The following EEF1AKMT4 variants were observed in gnomAD, a reference collection of about 807,000 sequenced individuals.
EEF1AKMT4 encodes the protein eukaryotic translation elongation factor 1 alpha lysine specific methyltransferase 4.
Under a neutral mutation model 23.0 loss-of-function variants are expected in EEF1AKMT4, and 17 were observed. The ratio of observed to expected loss-of-function variants is 0.74; its 90% CI spans 0.51 to 1.11. The LOEUF (loss-of-function observed/expected upper bound fraction) is 1.11. EEF1AKMT4 is among the 50% of genes least tolerant of loss of function. The pLI, the probability that EEF1AKMT4 is intolerant of heterozygous loss-of-function variation, is 0.00. For synonymous variants in EEF1AKMT4, 140 were observed against 141.4 expected, an observed-to-expected ratio of 0.99 and a Z score of 0.07; for missense variants, 318 against 333.4, an observed-to-expected ratio of 0.95 and a Z score of 0.36.
chr3:184,256,286 A>AAAAAAAAAAAG (rs1560171418), intron 1 of EEF1AKMT4, among the ~76,000 whole-genome samples: 2 of 146,564 alleles, frequency 1.4e-5, no homozygotes, highest in East Asian at 3.9e-4. Flanking sequence ...AAAAAAAAAA[A>AAAAAAAAAAAG]AAAAGAAAAG....
chr3:184,252,681 G>C (rs1481051222), intron 1 of EEF1AKMT4, among the ~76,000 whole-genome samples: 1 of 152,112 alleles, frequency 6.6e-6, no homozygotes, highest in Non-Finnish European at 1.5e-5. Flanking sequence ...GGTGGCTCAC[G>C]CCTGTAATCC....
rs773364920 is a variant in EEF1AKMT4 at position 184,249,673 on chromosome 3, T to G, written c.-22T>G. 3.8e-6 allele frequency: 6 copies of G among 1,574,716 alleles called. No homozygotes were observed. The African/African-American group carries it at 6.7e-5, about 18-fold the overall frequency. On this transcript the variant is annotated 5_prime_UTR_variant, in exon 1 of 3. Transcript: ENST00000324557. Reference sequence around the variant, plus strand: ...GTATTGGCTGAAGGGCCGGCGGCTCTGGCTGCCCGGCGGTTGAGAGCATGG... The same window carrying G: ...GTATTGGCTGAAGGGCCGGCGGCTCGGGCTGCCCGGCGGTTGAGAGCATGG...
intron 1 of EEF1AKMT4, among the ~76,000 whole-genome samples, chr3:184,253,627 C>T (rs1719654473): frequency 6.6e-6 from 1 of 151,576 alleles, no homozygotes. Context: ...TACCACTTTC[C>T]TCAATTTTCC....
intron 1 of EEF1AKMT4, among the ~76,000 whole-genome samples, chr3:184,256,833 G>A (rs1298077183): frequency 6.6e-6 from 1 of 151,640 alleles, no homozygotes. Flanking sequence ...ACCACGCCTG[G>A]CTAATTTTGT....
intron 1 of EEF1AKMT4, among the ~76,000 whole-genome samples, chr3:184,254,558 A>T (rs1301709285): frequency 1.3e-5 from 2 of 151,192 alleles, no homozygotes; most frequent in Non-Finnish European, 1.5e-5. Context: ...AAAAAAAAAA[A>T]AGAAATTAGC....
In EEF1AKMT4 at chr3:184,257,743, A is replaced by C. The variant is rs760950140; in HGVS notation, c.467A>C (p.Gln156Pro). Residue 156 changes from glutamine to proline, a missense_variant, in exon 2 of 3, where the codon CAG (glutamine) becomes CCG (proline). By Grantham distance (76) the Gln-to-Pro change is moderately conservative (BLOSUM62 -1). Coordinates refer to ENST00000324557, the MANE Select transcript of EEF1AKMT4 (RefSeq NM_032331.4). Reference sequence around the variant, plus strand: ...TCTGAAGGTGTCCACACTGTGGACCAGGTGTTGAGTGAGGTGAGGGAGCAA... The same window carrying C: ...TCTGAAGGTGTCCACACTGTGGACCCGGTGTTGAGTGAGGTGAGGGAGCAA... ...VSSEGVHTVDQVLSEVSRVLV... is the reference protein window; with the variant it reads ...VSSEGVHTVDPVLSEVSRVLV... 2.5e-6 allele frequency: 4 copies of C among 1,611,822 alleles called. No homozygotes were observed. Among genetic ancestry groups the C allele is most frequent in the Non-Finnish European group, 3.4e-6 (4 of 1,178,546 alleles).
chr3:184,254,353 C>T (rs1719695032), intron 1 of EEF1AKMT4, among the ~76,000 whole-genome samples: 2 of 151,924 alleles, frequency 1.3e-5, no homozygotes, highest in African/African-American at 4.8e-5. Context: ...CCCACTGCAG[C>T]CTCTTGAACT....
At chr3:184,256,207 G>A (rs529651709) in intron 1 of EEF1AKMT4, among the ~76,000 whole-genome samples, 1 of 149,556 alleles carries the variant, frequency 6.7e-6, no homozygotes, top group African/African-American at 2.5e-5. Context: ...AGCAGGCAGA[G>A]GTTGCAGTGA....
At position 184,258,453 on chromosome 3, in the gene EEF1AKMT4, A is replaced by G. The variant is rs6767237; in HGVS notation, c.646A>G (p.Lys216Glu). Residue 216 changes from lysine to glutamate, a missense_variant, in exon 3 of 3, where the codon AAG becomes GAG. Transcript: ENST00000324557. ...TCTCTACCTCATGCACAAGGGCGGGAAGCTCAGTGTGGCCCAGCTGGCTCT... is the reference window on the plus strand; with the variant it reads ...TCTCTACCTCATGCACAAGGGCGGGGAGCTCAGTGTGGCCCAGCTGGCTCT... ...FHLYLMHKGG[K>E]LSVAQLALGA... 245,047 of 1,613,714 alleles carry G rather than the reference A, an allele frequency of 0.15. 19,787 individuals carry two copies. The highest frequency in any genetic ancestry group is 0.18 in the African/African-American group (13,835 of 74,898).
intron 1 of EEF1AKMT4, among the ~76,000 whole-genome samples, chr3:184,252,589 G>C (rs1719608085): frequency 2.0e-5 from 3 of 152,172 alleles, no homozygotes; most frequent in African/African-American, 7.2e-5. Flanking sequence ...AGGCTACACA[G>C]TCTCTTTTAC....
intron 1 of EEF1AKMT4, among the ~76,000 whole-genome samples, chr3:184,254,600 C>CTACTCG (rs1319480260): frequency 1.3e-5 from 2 of 150,152 alleles, no homozygotes; most frequent in Non-Finnish European, 3.0e-5. Flanking sequence ...GTAGTCCCAG[C>CTACTCG]TACTCGGGAG....
chr3:184,250,935 A>G (rs569287584), intron 1 of EEF1AKMT4, among the ~76,000 whole-genome samples: 11 of 152,016 alleles, frequency 7.2e-5, no homozygotes, highest in Non-Finnish European at 1.5e-4. Flanking sequence ...AATACAAAAA[A>G]TTAGTCGGGT....
chr3:184,256,488 T>C (rs1719814787), intron 1 of EEF1AKMT4, among the ~76,000 whole-genome samples: 1 of 152,040 alleles, frequency 6.6e-6, no homozygotes, highest in Non-Finnish European at 1.5e-5. Flanking sequence ...ATATCATTAT[T>C]ATGCTACTGA....
At chr3:184,252,946 CAAAAAAAAAAAAAA>C (rs563455729) in intron 1 of EEF1AKMT4, among the ~76,000 whole-genome samples, 2 of 45,384 alleles carry the variant, frequency 4.4e-5, no homozygotes, top group Non-Finnish European at 8.4e-5. Flanking sequence ...AACTCCATCT[CAAAAAAAAAAAAAA>C]AAAAAAAAAA....
chr3:184,256,814 G>A (rs1345124582), intron 1 of EEF1AKMT4, among the ~76,000 whole-genome samples: 1 of 151,774 alleles, frequency 6.6e-6, no homozygotes, highest in Non-Finnish European at 1.5e-5. Context: ...GGGATTACAG[G>A]CATGTGCCAC....
chr3:184,250,269 A>C (rs1719470789), intron 1 of EEF1AKMT4, among the ~76,000 whole-genome samples: 1 of 152,214 alleles, frequency 6.6e-6, no homozygotes, highest in African/African-American at 2.4e-5. Context: ...CTTTAGATTC[A>C]GTTCTAGAAA....
chr3:184,258,062 C>T (rs1229075738), intron 2 of EEF1AKMT4, among the ~76,000 whole-genome samples: 1 of 152,006 alleles, frequency 6.6e-6, no homozygotes, highest in Non-Finnish European at 1.5e-5. Context: ...AAAGTGGTGC[C>T]CCTATACCTG....
Position 184,258,345 on chromosome 3 carries a change from C to A in EEF1AKMT4, c.538C>A (p.His180Asn), listed in dbSNP as rs751156240. Residue 180 changes from histidine (H) to asparagine (N), a missense_variant, in exon 3 of 3, where the codon CAC (histidine) becomes AAC (asparagine). His to Asn is a moderately conservative substitution (Grantham distance 68). Coordinates refer to ENST00000324557, the MANE Select transcript of EEF1AKMT4 (RefSeq NM_032331.4). ...TATCTCAATGACTTCTGCTGCCCCC[C>A]ACTTTCGGACCAGACACTATGCCCA... ...RFISMTSAAP[H>N]FRTRHYAQAY... 6.2e-7 allele frequency: 1 copy of A among 1,613,754 alleles called. No homozygotes were observed. Among genetic ancestry groups the A allele is most frequent in the Non-Finnish European group, 8.5e-7 (1 of 1,179,804 alleles).
chr3:184,257,242 A>C (rs1719848954), intron 1 of EEF1AKMT4, among the ~76,000 whole-genome samples: 2 of 149,558 alleles, frequency 1.3e-5, no homozygotes, highest in South Asian at 4.2e-4. Flanking sequence ...CCATGTTTCT[A>C]GTATTTAAAC....
Sources: allele counts gnomAD v4.1 joint callset (sites outside exome capture counted in the v4.1 genomes callset), GRCh38; gene constraint gnomAD v4.1.1; transcripts MANE v1.5; gene names NCBI Gene and HGNC (gene_info 2026-07-23, HGNC 2026-07-21).